The following CHST9 variants were observed in gnomAD, a reference collection of about 807,000 sequenced individuals.
CHST9 encodes the protein GalNAc-4-sulfotransferase 2.
CHST9 carries 41 observed loss-of-function variants against 44.4 expected under a neutral mutation model. That is an observed-to-expected ratio of 0.92 (90% CI 0.72 to 1.20). CHST9 has a LOEUF of 1.20. Among genes scored for constraint, CHST9 ranks in the 50% most tolerant of loss-of-function variants. CHST9 has a pLI of 0.00. For missense variants in CHST9, 504 were observed against 516.5 expected, an observed-to-expected ratio of 0.98 and a Z score of 0.23; for synonymous variants, 171 against 178.4, an observed-to-expected ratio of 0.96 and a Z score of 0.33.
intron 5 of CHST9, 30 bp downstream of exon 5, chr18:26,944,299 T>C (rs2056129511): frequency 1.3e-6 from 2 of 1,554,916 alleles, no homozygotes; most frequent in African/African-American, 1.4e-5. Flanking sequence ...CAAAATTCTA[T>C]ATTAGAGTTT....
chr18:26,917,015 C>T lies in CHST9; in HGVS notation c.576G>A (p.Val192=). 1 of 1,613,922 alleles carries T rather than the reference C, an allele frequency of 6.2e-7. No homozygotes were observed. Among genetic ancestry groups the T allele is most frequent in the Non-Finnish European group, 8.5e-7 (1 of 1,179,874 alleles). ...LQEFCKKYGG[V]SHHQSHLFHT... is the part of the protein sequence containing the mutation. ...GAAAAAGATGTGACTGATGATGACTCACCCCACCGTATTTCTTGCAAAACT... is the reference window on the plus strand; with the variant it reads ...GAAAAAGATGTGACTGATGATGACTTACCCCACCGTATTTCTTGCAAAACT... The change falls in exon 6 of 6, where the codon GTG becomes GTA. Residue 192 remains valine (V), a synonymous_variant. Transcript: ENST00000618847.
At chr18:27,156,678 C>G (rs2143913179) in intron 1 of CHST9, among the ~76,000 whole-genome samples, 1 of 152,054 alleles carries the variant, frequency 6.6e-6, no homozygotes, top group African/African-American at 2.4e-5. Context: ...ACAGAGTATC[C>G]TAGAAAGTCA....
intron 2 of CHST9, among the ~76,000 whole-genome samples, chr18:27,091,532 A>C (rs1388071335): frequency 2.6e-5 from 4 of 152,124 alleles, no homozygotes; most frequent in Admixed American, 6.5e-5. Flanking sequence ...CTGGTTTTCA[A>C]AGGGAATGCT....
At chr18:27,148,022 C>T (rs114117793) in intron 1 of CHST9, among the ~76,000 whole-genome samples, 1 of 152,114 alleles carries the variant, frequency 6.6e-6, no homozygotes, top group African/African-American at 2.4e-5. Context: ...TCCCAAATTC[C>T]ACCCTCTGAT....
intron 4 of CHST9, among the ~76,000 whole-genome samples, chr18:27,016,406 G>A (rs565857401): frequency 3.9e-5 from 6 of 152,246 alleles, no homozygotes; most frequent in African/African-American, 1.4e-4. Flanking sequence ...TACATGGCTG[G>A]ATCCCCCTTG....
chr18:27,179,364 A>G (rs2058893854), intron 1 of CHST9, among the ~76,000 whole-genome samples: 1 of 151,696 alleles, frequency 6.6e-6, no homozygotes, highest in Non-Finnish European at 1.5e-5. Context: ...GAGCCAGTGT[A>G]TCAGTGAACA....
intron 1 of CHST9, among the ~76,000 whole-genome samples, chr18:27,157,190 AGATT>A (rs1237207249): frequency 6.6e-6 from 1 of 152,100 alleles, no homozygotes; most frequent in Non-Finnish European, 1.5e-5. Context: ...CCTATTTGGA[AGATT>A]GATTTTTTTC....
chr18:26,961,372 G>C (rs1200767772), intron 4 of CHST9, among the ~76,000 whole-genome samples: 1 of 151,970 alleles, frequency 6.6e-6, no homozygotes, highest in Non-Finnish European at 1.5e-5. Flanking sequence ...TTTGTTACAC[G>C]TTAAGGCCGG....
At chr18:27,119,443 C>T (rs997965159) in intron 2 of CHST9, among the ~76,000 whole-genome samples, 2 of 152,096 alleles carry the variant, frequency 1.3e-5, no homozygotes, top group Non-Finnish European at 2.9e-5. Context: ...AAGTCTTTTT[C>T]AGTTGTAACA....
rs527944672 is a variant in CHST9, at chr18:27,078,545, C to T, written c.122-30042G>A. 1.3e-3 allele frequency among the ~76,000 whole-genome samples: 204 copies of T among 152,162 alleles called. 1 individual carries two copies. Among genetic ancestry groups the T allele is most frequent in the African/African-American group, 4.8e-3 (200 of 41,500 alleles). On this transcript the variant is annotated intron_variant, in intron 2 of 5. Coordinates refer to ENST00000618847, the MANE Select transcript of CHST9 (RefSeq NM_031422.6). ...AAAAACATCTTAAAAACAAGGTTGT[C>T]CTGGTAGATACTATTTTATTACACA...
chr18:27,009,569 G>GT (rs533944441), intron 4 of CHST9, among the ~76,000 whole-genome samples: 34 of 152,270 alleles, frequency 2.2e-4, no homozygotes, highest in South Asian at 4.2e-4. Context: ...TTATAGATAG[G>GT]TGGGTGAAGT....
At chr18:26,963,573 T>TAA (rs34202207) in intron 4 of CHST9, among the ~76,000 whole-genome samples, 102 of 137,300 alleles carry the variant, frequency 7.4e-4, no homozygotes, top group African/African-American at 2.3e-3. Flanking sequence ...TAAGGAGTAT[T>TAA]AAAAAAAAAA....
At chr18:27,127,602 G>T (rs1202844220) in intron 2 of CHST9, among the ~76,000 whole-genome samples, 1 of 152,124 alleles carries the variant, frequency 6.6e-6, no homozygotes, top group African/African-American at 2.4e-5. Flanking sequence ...AAATTGGGGG[G>T]AATAGGGAAA....
intron 1 of CHST9, among the ~76,000 whole-genome samples, chr18:27,165,827 T>C (rs920061448): frequency 1.3e-4 from 20 of 152,236 alleles, no homozygotes; most frequent in Non-Finnish European, 2.9e-5. Flanking sequence ...TTTCTAACAC[T>C]GGCAAATAGT....
chr18:27,029,093 G>A (rs568508436), intron 3 of CHST9, among the ~76,000 whole-genome samples: 1 of 152,192 alleles, frequency 6.6e-6, no homozygotes, highest in Non-Finnish European at 1.5e-5. Context: ...TGATTGTGGT[G>A]GGTTGGGTGT....
At chr18:26,945,230 G>A (rs1007681217) in intron 4 of CHST9, among the ~76,000 whole-genome samples, 3 of 152,096 alleles carry the variant, frequency 2.0e-5, no homozygotes, top group Non-Finnish European at 4.4e-5. Context: ...TGAAATAACT[G>A]TTGAGTCACA....
At chr18:26,961,383 G>A (rs534600370) in intron 4 of CHST9, among the ~76,000 whole-genome samples, 4 of 152,084 alleles carry the variant, frequency 2.6e-5, no homozygotes, top group South Asian at 2.1e-4. Context: ...TTAAGGCCGG[G>A]TGGGAAAGGA....
chr18:27,094,906 G>A (rs1022155907), intron 2 of CHST9, among the ~76,000 whole-genome samples: 1 of 152,120 alleles, frequency 6.6e-6, no homozygotes, highest in Non-Finnish European at 1.5e-5. Flanking sequence ...TACAGACAAG[G>A]TAATTGCACT....
intron 4 of CHST9, among the ~76,000 whole-genome samples, chr18:26,951,387 G>T (rs182254834): frequency 6.6e-6 from 1 of 152,266 alleles, no homozygotes; most frequent in East Asian, 1.9e-4. Context: ...TAAAGCAGTG[G>T]TTCTAAACCT....
Sources: allele counts gnomAD v4.1 joint callset (sites outside exome capture counted in the v4.1 genomes callset), GRCh38; gene constraint gnomAD v4.1.1; transcripts MANE v1.5; gene names NCBI Gene and HGNC (gene_info 2026-07-23, HGNC 2026-07-21).